The following KAT7 variants were observed in gnomAD, a reference collection of about 807,000 sequenced individuals.
KAT7 encodes histone acetyltransferase KAT7.
A neutral mutation model predicts 82.1 loss-of-function variants in KAT7; 10 were observed. The ratio of observed to expected loss-of-function variants is 0.12; its 90% CI spans 0.08 to 0.21. The LOEUF (loss-of-function observed/expected upper bound fraction) is 0.21, where lower values mean the gene tolerates loss of function less well. Among genes scored for constraint, KAT7 ranks in the 10% least tolerant of loss-of-function variants. KAT7 has a pLI of 1.00. For missense variants in KAT7, 378 were observed against 760.9 expected (o/e 0.50, Z 5.92); for synonymous variants, 250 against 262.5 (o/e 0.95, Z 0.46).
chr17:49,789,597 G>A (rs2143824896), intron 1 of KAT7: 1 of 152,348 alleles, frequency 6.6e-6, no homozygotes, highest in African/African-American at 2.4e-5. Context: ...GGAGGCCCAT[G>A]GAGTGCCGCA....
At chr17:49,800,450 G>A (rs2074010676) in intron 4 of KAT7, among the ~76,000 whole-genome samples, 1 of 152,142 alleles carries the variant, frequency 6.6e-6, no homozygotes, top group Non-Finnish European at 1.5e-5. Flanking sequence ...AATAAATAAT[G>A]AGAAAAACTA....
At chr17:49,806,409 T>C (rs1161169936) in intron 5 of KAT7, among the ~76,000 whole-genome samples, 2 of 152,232 alleles carry the variant, frequency 1.3e-5, no homozygotes, top group African/African-American at 2.4e-5. Context: ...CCTACTCTTA[T>C]TTTTCTTCAT....
rs1228282959 is a variant in KAT7 at position 49,829,316 on chromosome 17, C to G, written c.*1814C>G. The G allele has an allele frequency of 6.6e-6, 1 of 152,226 alleles. No individual in the cohort carries two copies. Among genetic ancestry groups the G allele is most frequent in the African/African-American group, 2.4e-5 (1 of 41,444 alleles). 9.4% of individuals were successfully genotyped at this position (152,226 alleles called of 1,614,324 possible). A position where few individuals can be genotyped will look rare whatever the true frequency, so the allele number is the denominator to read the frequency against. Reference sequence around the variant, plus strand: ...AGATGGTGGCACAAATTTGATCTGCCTCACTTTGGTTCCAGCTAATCAGTA... The same window carrying G: ...AGATGGTGGCACAAATTTGATCTGCGTCACTTTGGTTCCAGCTAATCAGTA... On this transcript the variant is annotated 3_prime_UTR_variant, in exon 15 of 15. Coordinates refer to ENST00000259021, the MANE Select transcript of KAT7 (RefSeq NM_007067.5).
chr17:49,807,052 G>A (rs575876336), intron 5 of KAT7, among the ~76,000 whole-genome samples: 6 of 152,276 alleles, frequency 3.9e-5, no homozygotes, highest in Admixed American at 3.3e-4. Flanking sequence ...ACACCCTTGC[G>A]ATCAGTGATG....
chr17:49,813,000 CTTTTTTTT>C (rs34339283), intron 7 of KAT7, among the ~76,000 whole-genome samples: 1 of 102,796 alleles, frequency 9.7e-6, no homozygotes, highest in East Asian at 2.7e-4. Flanking sequence ...TGCACCCAGC[CTTTTTTTT>C]TTTTTTTTTT....
chr17:49,813,218 C>G (rs1224762591), intron 7 of KAT7, among the ~76,000 whole-genome samples: 1 of 152,000 alleles, frequency 6.6e-6, no homozygotes, highest in Non-Finnish European at 1.5e-5. Context: ...TTGTTCCCTT[C>G]TTTGTGTCCC....
At chr17:49,811,437 T>C in intron 6 of KAT7, 39 bp from the exon 7 acceptor site, 1 of 1,048,482 alleles carries the variant, frequency 9.5e-7, no homozygotes, top group East Asian at 2.5e-5. Flanking sequence ...CTTAGCTTTA[T>C]AAGGAGTTTT....
chr17:49,799,512 T>C (rs964603815), intron 4 of KAT7, among the ~76,000 whole-genome samples: 3 of 152,048 alleles, frequency 2.0e-5, no homozygotes, highest in Non-Finnish European at 4.4e-5. Context: ...TCCTGAGTAG[T>C]TGGGATTACA....
chr17:49,823,810 T>A (rs1833999435), intron 12 of KAT7, among the ~76,000 whole-genome samples: 1 of 152,222 alleles, frequency 6.6e-6, no homozygotes, highest in Admixed American at 6.5e-5. Flanking sequence ...CAGCAAAAAG[T>A]AAGAGTCATG....
intron 2 of KAT7, among the ~76,000 whole-genome samples, chr17:49,796,186 C>T (rs1053126680): frequency 4.6e-5 from 7 of 151,682 alleles, no homozygotes. Context: ...ATGACAGTGC[C>T]AGAGAGGGTA....
chr17:49,802,926 A>T (rs183587612), intron 4 of KAT7, among the ~76,000 whole-genome samples: 1 of 151,732 alleles, frequency 6.6e-6, no homozygotes, highest in Non-Finnish European at 1.5e-5. Flanking sequence ...GAGTCTCACT[A>T]TGTATGTCAC....
intron 3 of KAT7, among the ~76,000 whole-genome samples, chr17:49,797,156 C>T (rs574522622): frequency 6.6e-6 from 1 of 151,954 alleles, no homozygotes; most frequent in South Asian, 2.1e-4. Flanking sequence ...CTCTGCCTCC[C>T]GGGTTCACGC....
At chr17:49,812,683 A>G (rs2074182714) in intron 7 of KAT7, among the ~76,000 whole-genome samples, 2 of 152,056 alleles carry the variant, frequency 1.3e-5, no homozygotes, top group South Asian at 4.1e-4. Flanking sequence ...GTTCTTTCAC[A>G]GTCTTTTTCT....
chr17:49,815,773 C>CAGAT, intron 7 of KAT7, 30 bp from the exon 8 acceptor site: 1 of 1,261,154 alleles, frequency 7.9e-7, no homozygotes. Context: ...CAGAGAGTAT[C>CAGAT]AGAGTATCAC....
intron 12 of KAT7, 134 bp from the exon 13 acceptor site, chr17:49,825,866 T>C (rs948468787): frequency 3.3e-5 from 27 of 830,196 alleles, no homozygotes; most frequent in Middle Eastern, 3.9e-4. Context: ...AACCACACAG[T>C]ATTCCATTGA....
chr17:49,797,281 T>G (rs1471289593), intron 3 of KAT7, among the ~76,000 whole-genome samples: 1 of 152,126 alleles, frequency 6.6e-6, no homozygotes, highest in Admixed American at 6.5e-5. Flanking sequence ...GTCAGGATGG[T>G]CTCGATCTCC....
chr17:49,821,671 C>T lies in KAT7; in HGVS notation c.1267C>T (p.Leu423=). The T allele has an allele frequency of 1.2e-6, 2 of 1,613,576 alleles. No homozygotes were observed. The highest frequency in any genetic ancestry group is 1.7e-6 in the Non-Finnish European group (2 of 1,180,012). Residue 423 remains leucine, a synonymous_variant, in exon 11 of 15, where the codon CTG becomes TTG. Coordinates refer to ENST00000259021, the MANE Select transcript of KAT7 (RefSeq NM_007067.5). ...KNKIYCQNLC[L]LAKLFLDHKT... ...CCAGATCTACTGCCAAAACCTGTGC[C>T]TGTTGGCCAAACTTTTTCTGGACCA...
In KAT7 at chr17:49,827,555, A is replaced by G; in HGVS notation, c.*53A>G. The G allele has an allele frequency of 9.8e-7, 1 of 1,019,762 alleles. No individual in the cohort carries two copies. Among genetic ancestry groups the G allele is most frequent in the South Asian group, 1.3e-5 (1 of 77,348 alleles). The allele number at this position is 1,019,762 out of a possible 1,614,324, so 63.2% of individuals were successfully genotyped here. On this transcript the variant is annotated 3_prime_UTR_variant, in exon 15 of 15. Transcript: ENST00000259021. Reference sequence around the variant, plus strand: ...CCCCAGCAGTAGGAATCCGTACCCTAGGGATCTGTCTGTCATTTCTCTGTT... The same window carrying G: ...CCCCAGCAGTAGGAATCCGTACCCTGGGGATCTGTCTGTCATTTCTCTGTT...
chr17:49,809,252 C>T (rs182075628), intron 6 of KAT7, 44 bp downstream of exon 6: 7 of 1,436,162 alleles, frequency 4.9e-6, no homozygotes, highest in East Asian at 2.3e-5. Context: ...GTTTGAGGTC[C>T]GTTTCTTGGA....
Sources: gnomAD v4.1 joint callset for allele counts (sites outside exome capture counted in the v4.1 genomes callset) on GRCh38, gnomAD v4.1.1 for gene constraint, MANE v1.5 for transcripts, NCBI Gene and HGNC (gene_info 2026-07-23, HGNC 2026-07-21) for gene names.